Variants in PCDHA1 observed in about 807,000 individuals in gnomAD.
PCDHA1 encodes the protein protocadherin alpha 1.
Under a neutral mutation model 61.3 loss-of-function variants are expected in PCDHA1, and 42 were observed. The ratio of observed to expected loss-of-function variants is 0.69; its 90% CI spans 0.54 to 0.89. The LOEUF (loss-of-function observed/expected upper bound fraction) is 0.89. Ranked by LOEUF, PCDHA1 falls within the 40% of genes least tolerant of loss-of-function variation. The pLI, the probability that PCDHA1 is intolerant of heterozygous loss-of-function variation, is 0.00. For synonymous variants in PCDHA1, 610 were observed against 553.8 expected, an observed-to-expected ratio of 1.10 and a Z score of -1.43; for missense variants, 1,256 against 1,235.3, an observed-to-expected ratio of 1.02 and a Z score of -0.25.
chr5:140,999,985 G>T (rs1451778210), intron 3 of PCDHA1, among the ~76,000 whole-genome samples: 1 of 152,022 alleles, frequency 6.6e-6, no homozygotes, highest in African/African-American at 2.4e-5. Context: ...AGCGGCCTCT[G>T]GGTAGTGGTA....
chr5:140,945,948 C>T (rs782232521), intron 1 of PCDHA1, among the ~76,000 whole-genome samples: 6 of 151,900 alleles, frequency 3.9e-5, no homozygotes, highest in Non-Finnish European at 5.9e-5. Context: ...TTTTATATGA[C>T]CCTGAAAGCA....
At chr5:140,914,962 T>C (rs1301307235) in intron 1 of PCDHA1, among the ~76,000 whole-genome samples, 2 of 136,964 alleles carry the variant, frequency 1.5e-5, no homozygotes, top group Non-Finnish European at 3.2e-5. Flanking sequence ...TTTTTTTTTT[T>C]CTGAGTCAGA....
chr5:140,996,217 T>C (rs2097717491), intron 3 of PCDHA1, among the ~76,000 whole-genome samples: 1 of 152,192 alleles, frequency 6.6e-6, no homozygotes, highest in South Asian at 2.1e-4. Context: ...TCACTACTTG[T>C]CTAGAAATGG....
intron 3 of PCDHA1, among the ~76,000 whole-genome samples, chr5:140,991,432 C>T (rs2153896288): frequency 6.6e-6 from 1 of 152,310 alleles, no homozygotes; most frequent in Non-Finnish European, 1.5e-5. Flanking sequence ...TAACCATAAA[C>T]TTCATGGCTT....
chr5:140,926,533 A>G (rs957359754), intron 1 of PCDHA1: 23 of 211,100 alleles, frequency 1.1e-4, no homozygotes, highest in East Asian at 3.3e-4. Context: ...GCCCGCAGCC[A>G]GCGTGGTGGT....
At chr5:140,914,921 T>C (rs895344325) in intron 1 of PCDHA1, among the ~76,000 whole-genome samples, 1 of 151,508 alleles carries the variant, frequency 6.6e-6, no homozygotes, top group Non-Finnish European at 1.5e-5. Context: ...TGTGTCTTAT[T>C]GTACTATGTT....
chr5:140,875,485 G>A (rs367652529), intron 1 of PCDHA1: 13 of 1,611,424 alleles, frequency 8.1e-6, no homozygotes, highest in African/African-American at 1.3e-5. Context: ...GGTGATTATC[G>A]GACCAAGAGG....
chr5:140,918,021 A>G (rs2078482403), intron 1 of PCDHA1, among the ~76,000 whole-genome samples: 2 of 152,190 alleles, frequency 1.3e-5, no homozygotes, highest in South Asian at 2.1e-4. Flanking sequence ...CTTCCTACCC[A>G]TGAGCGTGGA....
At chr5:140,841,207 T>A in intron 1 of PCDHA1, 1 of 1,357,192 alleles carries the variant, frequency 7.4e-7, no homozygotes, top group Non-Finnish European at 1.0e-6. Context: ...ACAGCATCTG[T>A]CTCTAAAGGC....
intron 1 of PCDHA1, chr5:140,797,460 A>G (rs374790364): frequency 7.8e-7 from 1 of 1,274,864 alleles, no homozygotes; most frequent in Non-Finnish European, 1.1e-6. Flanking sequence ...ATTTTATATC[A>G]TCCTACCGTG....
intron 1 of PCDHA1, among the ~76,000 whole-genome samples, chr5:140,880,362 A>G (rs1005788716): frequency 4.6e-5 from 7 of 152,236 alleles, no homozygotes; most frequent in Non-Finnish European, 1.0e-4. Context: ...ATTTAGATGA[A>G]AACCATGAGA....
At chr5:140,822,387 A>C (rs1767293783) in intron 1 of PCDHA1, 2 of 1,614,150 alleles carry the variant, frequency 1.2e-6, no homozygotes, top group East Asian at 4.5e-5. Context: ...GAGAAGAAAC[A>C]CAAGAACACC....
chr5:140,843,700 T>G lies in PCDHA1; in HGVS notation c.2394+55016T>G. On this transcript the variant is annotated intron_variant, in intron 1 of 3. Coordinates refer to ENST00000504120, the MANE Select transcript of PCDHA1 (RefSeq NM_018900.4). ...TAGGCGAAGAGCAAGATTTAAATGT[T>G]GATCATGGCCTCAAAGTAAGTCCAT... The G allele has an allele frequency of 3.2e-6, 5 of 1,581,782 alleles. 1 individual carries two copies. Among genetic ancestry groups the G allele is most frequent in the Non-Finnish European group, 4.3e-6 (5 of 1,152,788 alleles).
intron 1 of PCDHA1, chr5:140,834,289 T>G: frequency 8.4e-7 from 1 of 1,186,076 alleles, no homozygotes; most frequent in Non-Finnish European, 1.2e-6. Flanking sequence ...TGCACAACAA[T>G]GGCCACACAT....
At chr5:140,908,041 G>T (rs2073758972) in intron 1 of PCDHA1, among the ~76,000 whole-genome samples, 1 of 152,112 alleles carries the variant, frequency 6.6e-6, no homozygotes, top group Non-Finnish European at 1.5e-5. Context: ...GTATATAATT[G>T]CACATCCGGC....
Position 140,828,920 on chromosome 5 carries a change from A to G in PCDHA1, c.2394+40236A>G, listed in dbSNP as rs2150160817. 8.3e-5 allele frequency: 134 copies of G among 1,614,098 alleles called. No homozygotes were observed. Among genetic ancestry groups the G allele is most frequent in the Non-Finnish European group, 1.1e-4 (127 of 1,180,054 alleles). ...TCGGGATGAAGGAGCGAATGGGGCA[A>G]TTTCATATTCTTTTAATAGCCTTGT... On this transcript the variant is annotated intron_variant, in intron 1 of 3. Transcript: ENST00000504120.
At chr5:140,950,548 G>T (rs1363394631) in intron 1 of PCDHA1, among the ~76,000 whole-genome samples, 2 of 151,990 alleles carry the variant, frequency 1.3e-5, no homozygotes, top group African/African-American at 4.8e-5. Context: ...TTGCATGGCT[G>T]GGGGGACACT....
At chr5:140,834,594 C>T (rs1383001934) in intron 1 of PCDHA1, 10 of 1,613,990 alleles carry the variant, frequency 6.2e-6, no homozygotes, top group African/African-American at 4.0e-5. Flanking sequence ...GTGCAAATTC[C>T]GTGGGGATCT....
rs1414020840 is a variant in PCDHA1, at chr5:140,920,855, AAAAC to A, written c.2395-58085_2395-58082del. On this transcript the variant is annotated intron_variant, in intron 1 of 3. Transcript: ENST00000504120. ...AAGACCAAATCTAAAAAAAAAAAAA[AAAAC>A]AAACAAACTGTGGCCCTTAGAACTT... Among the ~76,000 whole-genome samples the A allele has an allele frequency of 3.9e-5, 6 of 152,094 alleles. No homozygotes were observed. The East Asian group carries it at 5.8e-4, about 15-fold the overall frequency.
Sources: allele counts gnomAD v4.1 joint callset (sites outside exome capture counted in the v4.1 genomes callset), GRCh38; gene constraint gnomAD v4.1.1; transcripts MANE v1.5; gene names NCBI Gene and HGNC (gene_info 2026-07-23, HGNC 2026-07-21).